PTPRD: variants seen among roughly 807,000 people sequenced by gnomAD.
PTPRD encodes protein tyrosine phosphatase receptor type D.
PTPRD carries 34 observed loss-of-function variants against 214.5 expected under a neutral mutation model. That is an observed-to-expected ratio of 0.16 (90% CI 0.12 to 0.21). The LOEUF is 0.21. Among genes scored for constraint, PTPRD ranks in the 10% least tolerant of loss-of-function variants. PTPRD has a pLI of 1.00. For synonymous variants in PTPRD, 1,128 were observed against 845.7 expected (o/e 1.33, Z -5.79); for missense variants, 2,545 against 2,398.7 (o/e 1.06, Z -1.27).
intron 5 of PTPRD, among the ~76,000 whole-genome samples, chr9:9,926,349 T>A (rs1336736172): frequency 1.3e-5 from 2 of 152,052 alleles, no homozygotes; most frequent in Non-Finnish European, 1.5e-5. Flanking sequence ...CAGAAAGGGA[T>A]CATCATCATA....
intron 8 of PTPRD, among the ~76,000 whole-genome samples, chr9:9,400,747 T>A (rs144223527): frequency 2.4e-3 from 364 of 152,190 alleles, no homozygotes; most frequent in African/African-American, 8.4e-3. Context: ...GTGATGCTGG[T>A]AAGAGTGAGG....
rs182193652 is a variant in PTPRD at position 10,131,666 on chromosome 9, C to G, written c.-544-97876G>C. Reference sequence around the variant, plus strand: ...GCTATTAAGCACTTTCTTCATAACTCGGTATCTTTCATAATTGGATCTAAT... The same window carrying G: ...GCTATTAAGCACTTTCTTCATAACTGGGTATCTTTCATAATTGGATCTAAT... On this transcript the variant is annotated intron_variant, in intron 3 of 45. Transcript: ENST00000381196. Among the ~76,000 whole-genome samples the G allele has an allele frequency of 1.3e-4, 20 of 152,106 alleles. No homozygotes were observed. The East Asian group carries it at 3.7e-3, about 28-fold the overall frequency.
chr9:8,541,745 A>G (rs1336931684), intron 14 of PTPRD, among the ~76,000 whole-genome samples: 1 of 152,158 alleles, frequency 6.6e-6, no homozygotes, highest in African/African-American at 2.4e-5. Flanking sequence ...AGGACTATCA[A>G]TTTATGAAAC....
chr9:10,124,109 A>G (rs575516452), intron 3 of PTPRD, among the ~76,000 whole-genome samples: 21 of 152,256 alleles, frequency 1.4e-4, no homozygotes, highest in South Asian at 4.2e-4. Context: ...CTTGAAAGCC[A>G]TTTACTCAGT....
chr9:8,551,225 C>A (rs1773981697), intron 14 of PTPRD, among the ~76,000 whole-genome samples: 1 of 152,210 alleles, frequency 6.6e-6, no homozygotes, highest in Non-Finnish European at 1.5e-5. Flanking sequence ...CCCCATGACC[C>A]ATAGCACAAA....
At chr9:9,561,474 T>A (rs531438791) in intron 8 of PTPRD, among the ~76,000 whole-genome samples, 35 of 152,228 alleles carry the variant, frequency 2.3e-4, no homozygotes, top group Non-Finnish European at 4.6e-4. Flanking sequence ...AATTTGACTC[T>A]TTTTCATCAA....
intron 2 of PTPRD, among the ~76,000 whole-genome samples, chr9:10,572,404 C>G (rs898147990): frequency 2.6e-5 from 4 of 152,168 alleles, no homozygotes; most frequent in Non-Finnish European, 4.4e-5. Flanking sequence ...CATTGACCAT[C>G]ATTGTCTTCT....
intron 5 of PTPRD, among the ~76,000 whole-genome samples, chr9:9,788,857 T>C (rs138544710): frequency 6.6e-6 from 1 of 152,130 alleles, no homozygotes; most frequent in Non-Finnish European, 1.5e-5. Flanking sequence ...CTAACTCTTC[T>C]TTCATGGTCT....
At chr9:10,406,992 G>A (rs535991368) in intron 2 of PTPRD, among the ~76,000 whole-genome samples, 1 of 151,424 alleles carries the variant, frequency 6.6e-6, no homozygotes, top group Non-Finnish European at 1.5e-5. Flanking sequence ...AATTATTTTT[G>A]TATTAATGTC....
intron 7 of PTPRD, among the ~76,000 whole-genome samples, chr9:9,583,727 C>G (rs1000882200): frequency 6.6e-6 from 1 of 152,000 alleles, no homozygotes; most frequent in African/African-American, 2.4e-5. Context: ...TTCATGGTAA[C>G]TATGGCAACA....
intron 9 of PTPRD, among the ~76,000 whole-genome samples, chr9:9,195,022 ATG>A (rs35104691): frequency 9.4e-5 from 14 of 149,110 alleles, no homozygotes; most frequent in Admixed American, 3.4e-4. Flanking sequence ...TATGGTATAT[ATG>A]TGTGTGTGTG....
rs145777746 is a variant in PTPRD, at chr9:9,135,831, G to C, written c.-143+47473C>G. ...ATTTGGTCACAACTAGAAATATTCA[G>C]CTTGAAAAAAACCCCACAGTTTTCT... On this transcript the variant is annotated intron_variant, in intron 10 of 45. Coordinates refer to ENST00000381196, the MANE Select transcript of PTPRD (RefSeq NM_002839.4). Among the ~76,000 whole-genome samples the C allele has an allele frequency of 4.9e-3, 740 of 151,260 alleles. 8 individuals carry two copies. Among genetic ancestry groups the C allele is most frequent in the African/African-American group, 0.017 (701 of 41,332 alleles).
At chr9:9,671,697 G>A (rs547550507) in intron 7 of PTPRD, among the ~76,000 whole-genome samples, 5 of 152,256 alleles carry the variant, frequency 3.3e-5, no homozygotes, top group African/African-American at 1.2e-4. Context: ...GGTTTCATAA[G>A]GGGTTTGCAC....
intron 9 of PTPRD, among the ~76,000 whole-genome samples, chr9:9,323,481 TC>T (rs1967788992): frequency 6.6e-6 from 1 of 152,152 alleles, no homozygotes; most frequent in Non-Finnish European, 1.5e-5. Context: ...GACCAGGTCG[TC>T]TAACTCCACA....
intron 35 of PTPRD, among the ~76,000 whole-genome samples, chr9:8,433,623 A>G (rs890899127): frequency 3.9e-5 from 6 of 152,182 alleles, no homozygotes; most frequent in Non-Finnish European, 1.5e-5. Context: ...CAAAAATTCT[A>G]AAAAGTTAAT....
chr9:10,397,485 T>C (rs1256760120), intron 2 of PTPRD, among the ~76,000 whole-genome samples: 1 of 152,022 alleles, frequency 6.6e-6, no homozygotes, highest in Non-Finnish European at 1.5e-5. Flanking sequence ...TGGAAAATAA[T>C]AGTGGACTAA....
At chr9:9,813,860 C>A (rs912157712) in intron 5 of PTPRD, among the ~76,000 whole-genome samples, 4 of 143,308 alleles carry the variant, frequency 2.8e-5, no homozygotes, top group South Asian at 2.3e-4. Flanking sequence ...AAATCCTCAA[C>A]AAAATATTAG....
rs1020877319 is a variant in PTPRD, at chr9:8,481,110, G to A, written c.3413+3009C>T. On this transcript the variant is annotated intron_variant, in intron 30 of 45. Transcript: ENST00000381196. Reference sequence around the variant, plus strand: ...AGCAGAGATGGCGCCACTGCACGCCGGCCTGGGCAACAGAGTTAGACTCCG... The same window carrying A: ...AGCAGAGATGGCGCCACTGCACGCCAGCCTGGGCAACAGAGTTAGACTCCG... Among the ~76,000 whole-genome samples, 12 of 142,612 alleles carry A rather than the reference G, an allele frequency of 8.4e-5. No individual in the cohort carries two copies. In the East Asian group the frequency reaches 1.2e-3, roughly 15 times the overall value. The allele number at this position is 142,612 out of a possible 152,430, so 93.6% of individuals were successfully genotyped here.
chr9:9,480,259 C>G (rs1027355218), intron 8 of PTPRD, among the ~76,000 whole-genome samples: 8 of 152,124 alleles, frequency 5.3e-5, no homozygotes, highest in African/African-American at 1.9e-4. Flanking sequence ...AAATCATATG[C>G]TGACATTAAA....
Sources: allele counts gnomAD v4.1 joint callset (sites outside exome capture counted in the v4.1 genomes callset), GRCh38; gene constraint gnomAD v4.1.1; transcripts MANE v1.5; gene names NCBI Gene and HGNC (gene_info 2026-07-23, HGNC 2026-07-21).